The following ATOSA variants were observed in gnomAD, a reference collection of about 807,000 sequenced individuals.
ATOSA encodes the protein atos homolog A.
the ATOSA span, among the ~76,000 whole-genome samples, chr15:52,604,547 T>A: frequency 6.6e-6 from 1 of 152,218 alleles, no homozygotes; most frequent in Admixed American, 6.5e-5. Context: ...AACTACTGAC[T>A]GCTTACATGC....
the ATOSA span, chr15:52,601,279 TCTC>T: frequency 1.1e-5 from 7 of 625,392 alleles, no homozygotes; most frequent in African/African-American, 3.8e-5. Flanking sequence ...TATTACAACT[TCTC>T]CTATAATAGC....
chr15:52,599,614 A>G, the ATOSA span, among the ~76,000 whole-genome samples: 5 of 152,216 alleles, frequency 3.3e-5, no homozygotes, highest in Non-Finnish European at 4.4e-5. Context: ...CATGATTTCT[A>G]CTTGACCCCA....
the ATOSA span, chr15:52,678,393 C>A: frequency 7.3e-5 from 19 of 259,610 alleles, no homozygotes; most frequent in Admixed American, 9.8e-5. Context: ...GAGGTACAGG[C>A]AAGAAGAAGA....
chr15:52,652,033 C>T, the ATOSA span: 2,019 of 1,498,216 alleles, frequency 1.3e-3, 2 homozygotes, highest in Non-Finnish European at 1.7e-3. Flanking sequence ...TCCCGCTTCC[C>T]TCCGTGTAAG....
At chr15:52,651,769 T>C in the ATOSA span, 19 of 1,157,862 alleles carry the variant, frequency 1.6e-5, no homozygotes, top group South Asian at 2.6e-4. Context: ...GACCTATTTA[T>C]TAAAAATCCA....
chr15:52,675,811 C>A, the ATOSA span, among the ~76,000 whole-genome samples: 1 of 151,772 alleles, frequency 6.6e-6, no homozygotes, highest in East Asian at 1.9e-4. Context: ...AAGGCTGAGG[C>A]AGGAGAATGG....
chr15:52,694,787 C>A, the ATOSA span, among the ~76,000 whole-genome samples: 1 of 152,054 alleles, frequency 6.6e-6, no homozygotes, highest in African/African-American at 2.4e-5. Flanking sequence ...CACTGTTTTA[C>A]AACAGCACTG....
the ATOSA span, among the ~76,000 whole-genome samples, chr15:52,619,216 C>T: frequency 6.6e-6 from 1 of 152,064 alleles, no homozygotes; most frequent in Non-Finnish European, 1.5e-5. Flanking sequence ...TAGTAGTCCT[C>T]AGAACAGTTA....
the ATOSA span, among the ~76,000 whole-genome samples, chr15:52,644,364 T>A: frequency 5.3e-5 from 8 of 152,228 alleles, no homozygotes; most frequent in African/African-American, 1.9e-4. Context: ...CTTCATTACA[T>A]CCATCTCATC....
the ATOSA span, among the ~76,000 whole-genome samples, chr15:52,632,535 A>C: frequency 6.6e-6 from 1 of 152,152 alleles, no homozygotes; most frequent in Non-Finnish European, 1.5e-5. Flanking sequence ...GTGAAATAAT[A>C]ATTCTTACCC....
chr15:52,707,503 G>C, the ATOSA span, among the ~76,000 whole-genome samples: 6 of 152,090 alleles, frequency 3.9e-5, no homozygotes, highest in African/African-American at 1.4e-4. Flanking sequence ...TGCCATAAAA[G>C]ACAAAGACAG....
chr15:52,611,520 G>GT, the ATOSA span: 1 of 1,536,064 alleles, frequency 6.5e-7, no homozygotes, highest in Non-Finnish European at 8.9e-7. Context: ...TTTATAAGAA[G>GT]TAATGGAAAA....
At chr15:52,604,177 T>C in the ATOSA span, among the ~76,000 whole-genome samples, 2 of 152,160 alleles carry the variant, frequency 1.3e-5, no homozygotes, top group Admixed American at 1.3e-4. Flanking sequence ...ATCCCAGCAC[T>C]TTGGGAGGCG....
the ATOSA span, among the ~76,000 whole-genome samples, chr15:52,619,372 G>A: frequency 6.6e-6 from 1 of 152,056 alleles, no homozygotes; most frequent in African/African-American, 2.4e-5. Flanking sequence ...AATATGTCAG[G>A]CTAAAGAGAA....
the ATOSA span, among the ~76,000 whole-genome samples, chr15:52,596,082 C>A: frequency 6.6e-6 from 1 of 152,016 alleles, no homozygotes; most frequent in Non-Finnish European, 1.5e-5. Flanking sequence ...CAGCTACACT[C>A]CAGCCTGGGT....
chr15:52,699,955 G>C, the ATOSA span, among the ~76,000 whole-genome samples: 13 of 152,112 alleles, frequency 8.5e-5, no homozygotes, highest in African/African-American at 3.1e-4. Flanking sequence ...TAGACATGGG[G>C]CATCCTAAAA....
At chr15:52,694,975 A>C in the ATOSA span, among the ~76,000 whole-genome samples, 3 of 135,904 alleles carry the variant, frequency 2.2e-5, no homozygotes, top group African/African-American at 8.5e-5. Context: ...CCCAGGCTGG[A>C]GTGTAGTGGT....
At chr15:52,651,338 G>A in the ATOSA span, among the ~76,000 whole-genome samples, 2 of 152,214 alleles carry the variant, frequency 1.3e-5, no homozygotes, top group Admixed American at 6.5e-5. Flanking sequence ...TTTGAGGTAG[G>A]ATTTTCAGAA....
chr15:52,618,550 T>C, the ATOSA span, among the ~76,000 whole-genome samples: 1 of 152,224 alleles, frequency 6.6e-6, no homozygotes, highest in Non-Finnish European at 1.5e-5. Context: ...CAGGACTCTA[T>C]GACTTGTTAT....
Sources: gnomAD v4.1 joint callset for allele counts (sites outside exome capture counted in the v4.1 genomes callset) on GRCh38, gnomAD v4.1.1 for gene constraint, MANE v1.5 for transcripts, NCBI Gene and HGNC (gene_info 2026-07-23, HGNC 2026-07-21) for gene names.